Variants in CFI observed in about 807,000 individuals in gnomAD.
CFI encodes the protein C3B/C4B inactivator.
CFI carries 66 observed loss-of-function variants against 78.8 expected under a neutral mutation model. That is an observed-to-expected ratio of 0.84 (90% CI 0.69 to 1.03). The LOEUF (loss-of-function observed/expected upper bound fraction) is 1.03. CFI is among the 50% of genes least tolerant of loss of function. The probability of loss-of-function intolerance (pLI) is 0.00; values close to 1 mark genes in which losing one functional copy is unlikely to be tolerated. For synonymous variants in CFI, 250 were observed against 232.6 expected (o/e 1.07, Z -0.68); for missense variants, 706 against 704.5 (o/e 1.00, Z -0.02).
chr4:109,784,756 A>G (rs904402925), intron 1 of CFI, among the ~76,000 whole-genome samples: 1 of 152,112 alleles, frequency 6.6e-6, no homozygotes. Context: ...CTAACACATT[A>G]ATGATGAACC....
chr4:109,742,240 T>C, intron 12 of CFI: 1 of 460,998 alleles, frequency 2.2e-6, no homozygotes. Flanking sequence ...TAGGTCTGGT[T>C]CCAGAGGCCG....
At chr4:109,764,228 G>T in intron 3 of CFI, 1 of 414,444 alleles carries the variant, frequency 2.4e-6, no homozygotes, top group Non-Finnish European at 4.5e-6. Flanking sequence ...TACTAAGTGT[G>T]AAAAAGTGTA....
In CFI at chr4:109,743,940, G is replaced by C. The variant is rs568922281; in HGVS notation, c.1430-1345C>G. Among the ~76,000 whole-genome samples the C allele has an allele frequency of 3.9e-5, 6 of 152,102 alleles. No homozygotes were observed. The East Asian group carries it at 1.2e-3, about 29-fold the overall frequency. On this transcript the variant is annotated intron_variant, in intron 11 of 12. Transcript: ENST00000394634. ...CTCAAGGTTGCAGTGAGCTAGGTTTGTGCCACTGCAGTTTAGCCTGGACAA... is the reference window on the plus strand; with the variant it reads ...CTCAAGGTTGCAGTGAGCTAGGTTTCTGCCACTGCAGTTTAGCCTGGACAA...
intron 8 of CFI, among the ~76,000 whole-genome samples, chr4:109,750,280 A>G (rs7698552): frequency 0.97 from 148,282 of 152,226 alleles, 72,343 homozygotes; most frequent in East Asian, 1. Flanking sequence ...TACAGGGTGA[A>G]CCACCACGCC....
At position 109,742,546 on chromosome 4, in the gene CFI, G is replaced by T. The variant is rs780759494; in HGVS notation, c.1479C>A (p.Ser493Arg). Residue 493 changes from serine to arginine, a missense_variant, in exon 12 of 13, where the codon AGC (serine) becomes AGA (arginine). Coordinates refer to ENST00000394634, the MANE Select transcript of CFI (RefSeq NM_000204.5). ...SLQWGEVKLI[S>R]NCSKFYGNRF... Reference sequence around the variant, plus strand: ...GATTTCCGTAAAACTTAGAGCAGTTGCTTATTAGTTTAACTTCACCCCACT... The same window carrying T: ...GATTTCCGTAAAACTTAGAGCAGTTTCTTATTAGTTTAACTTCACCCCACT... 7.4e-6 allele frequency: 12 copies of T among 1,613,532 alleles called. No individual in the cohort carries two copies. The highest frequency in any genetic ancestry group is 2.2e-5 in the East Asian group (1 of 44,892).
At chr4:109,742,383 A>C in intron 12 of CFI, 108 bp downstream of exon 12, 1 of 764,810 alleles carries the variant, frequency 1.3e-6, no homozygotes, top group Non-Finnish European at 2.4e-6. Context: ...AGAAGGCCAA[A>C]TGGAGGGAAT....
intron 1 of CFI, among the ~76,000 whole-genome samples, chr4:109,767,785 T>C (rs1249329120): frequency 2.6e-5 from 4 of 151,982 alleles, no homozygotes; most frequent in African/African-American, 7.3e-5. Flanking sequence ...TTACTGGGCA[T>C]ATACCCAAAG....
At chr4:109,782,039 C>A (rs1336021684) in intron 1 of CFI, among the ~76,000 whole-genome samples, 6 of 152,066 alleles carry the variant, frequency 3.9e-5, no homozygotes, top group Non-Finnish European at 7.4e-5. Context: ...TATGACAAAC[C>A]CACAGCCAAC....
At chr4:109,749,697 T>C in intron 8 of CFI, 95 bp from the exon 9 acceptor site, 1 of 780,284 alleles carries the variant, frequency 1.3e-6, no homozygotes, top group Non-Finnish European at 2.3e-6. Flanking sequence ...AACAGGAGAG[T>C]CACAGCCAGT....
chr4:109,738,177 C>T (rs1281023360), downstream of CFI, among the ~76,000 whole-genome samples: 1 of 147,082 alleles, frequency 6.8e-6, no homozygotes, highest in Non-Finnish European at 1.5e-5. Context: ...TGCAGTGCTG[C>T]AATCACAGCT....
intron 11 of CFI, 111 bp from the exon 12 acceptor site, chr4:109,742,706 A>G: frequency 2.8e-6 from 2 of 722,128 alleles, no homozygotes; most frequent in African/African-American, 1.8e-5. Context: ...TTTTCAATAT[A>G]TATAAATTTT....
intron 12 of CFI, chr4:109,741,502 A>T (rs910134399): frequency 9.1e-5 from 24 of 262,908 alleles, no homozygotes; most frequent in Non-Finnish European, 1.4e-4. Context: ...TGAGGCAAAT[A>T]TCATTATTGC....
At chr4:109,753,505 T>A (rs1301210792) in intron 7 of CFI, among the ~76,000 whole-genome samples, 2 of 20,818 alleles carry the variant, frequency 9.6e-5, no homozygotes, top group African/African-American at 2.6e-4. Context: ...TATAATATAT[T>A]TATTATATAA....
At chr4:109,781,536 A>G (rs1730035728) in intron 1 of CFI, among the ~76,000 whole-genome samples, 1 of 152,160 alleles carries the variant, frequency 6.6e-6, no homozygotes, top group Admixed American at 6.6e-5. Flanking sequence ...AATGAACAAA[A>G]GGTCCAGGAC....
downstream of CFI, among the ~76,000 whole-genome samples, chr4:109,738,194 A>G (rs1405884300): frequency 6.8e-6 from 1 of 147,942 alleles, no homozygotes; most frequent in East Asian, 2.0e-4. Context: ...AGCTCACTGC[A>G]TCCTCAACCT....
chr4:109,786,440 C>T (rs1238771021), intron 1 of CFI, among the ~76,000 whole-genome samples: 1 of 152,012 alleles, frequency 6.6e-6, no homozygotes. Context: ...GATGGTCGTT[C>T]ATTAGAACAC....
At chr4:109,776,094 C>T (rs192892434) in intron 1 of CFI, among the ~76,000 whole-genome samples, 49 of 152,194 alleles carry the variant, frequency 3.2e-4, no homozygotes, top group Admixed American at 9.2e-4. Flanking sequence ...TTGCCAGCAA[C>T]GGAACAAAGC....
At chr4:109,752,601 T>C (rs1002061524) in intron 7 of CFI, 98 bp from the exon 8 acceptor site, 10 of 1,033,822 alleles carry the variant, frequency 9.7e-6, no homozygotes, top group Non-Finnish European at 1.5e-5. Context: ...TTTTCTGCCT[T>C]AAAACTTATC....
intron 1 of CFI, among the ~76,000 whole-genome samples, chr4:109,773,843 C>T (rs909450960): frequency 3.3e-5 from 5 of 152,274 alleles, no homozygotes; most frequent in East Asian, 1.9e-4. Context: ...TTTTTGGACC[C>T]GAACAATAGA....
Sources: gnomAD v4.1 joint callset for allele counts (sites outside exome capture counted in the v4.1 genomes callset) on GRCh38, gnomAD v4.1.1 for gene constraint, MANE v1.5 for transcripts, NCBI Gene and HGNC (gene_info 2026-07-23, HGNC 2026-07-21) for gene names.